The following MRC1 variants were observed in gnomAD, a reference collection of about 807,000 sequenced individuals.
MRC1 encodes macrophage mannose receptor 1.
A neutral mutation model predicts 102.9 loss-of-function variants in MRC1; 62 were observed. That is an observed-to-expected ratio of 0.60 (90% confidence interval 0.49 to 0.74). The LOEUF is 0.74. Among genes scored for constraint, MRC1 ranks in the 30% least tolerant of loss-of-function variants. The pLI is 0.00. For missense variants in MRC1, 1,237 were observed against 862.8 expected (o/e 1.43, Z -5.43); for synonymous variants, 457 against 298.4 (o/e 1.53, Z -5.48).
intron 3 of MRC1, among the ~76,000 whole-genome samples, chr10:17,829,023 C>T (rs1026712089): frequency 2.0e-5 from 3 of 151,456 alleles, no homozygotes; most frequent in Non-Finnish European, 4.4e-5. Context: ...TACCCCCGAC[C>T]TCTCACCTGC....
intron 4 of MRC1, among the ~76,000 whole-genome samples, chr10:17,834,247 C>G (rs2130614053): frequency 6.6e-6 from 1 of 152,296 alleles, no homozygotes; most frequent in South Asian, 2.1e-4. Flanking sequence ...AATTAAAAGA[C>G]TGCTACCACT....
chr10:17,837,799 C>G (rs1297152001), intron 4 of MRC1, among the ~76,000 whole-genome samples: 1 of 151,918 alleles, frequency 6.6e-6, no homozygotes, highest in Admixed American at 6.6e-5. Flanking sequence ...CAGGGTTTCA[C>G]CATGTTGCCC....
At chr10:17,823,028 C>T in intron 1 of MRC1, 46 bp from the exon 2 acceptor site, 1 of 778,252 alleles carries the variant, frequency 1.3e-6, no homozygotes, top group East Asian at 2.4e-5. Flanking sequence ...TCCACTTAGC[C>T]ATGCTTGCTT....
chr10:17,827,605 A>G lies in MRC1; in HGVS notation c.527A>G (p.Asn176Ser). Residue 176 changes from asparagine to serine, a missense_variant, in exon 3 of 30, where the codon AAC (asparagine) becomes AGC (serine). By Grantham distance (46) the Asn-to-Ser change is conservative. Transcript: ENST00000569591. ...ATCAFPFKFE[N>S]KWYADCTSAG... ...TGTGCATTCCCGTTCAAGTTTGAAAACAAGTGGTACGCAGATTGCACGAGT... is the reference window on the plus strand; with the variant it reads ...TGTGCATTCCCGTTCAAGTTTGAAAGCAAGTGGTACGCAGATTGCACGAGT... 1.3e-6 allele frequency: 1 copy of G among 780,848 alleles called. No homozygotes were observed. Among genetic ancestry groups the G allele is most frequent in the South Asian group, 1.3e-5 (1 of 74,612 alleles). The allele number at this position is 780,848 out of a possible 1,614,324, so 48.4% of individuals were successfully genotyped here. A position where few individuals can be genotyped will look rare whatever the true frequency, so the allele number is the denominator to read the frequency against.
At chr10:17,867,345 CTCT>C (rs1833287720) in intron 12 of MRC1, among the ~76,000 whole-genome samples, 2 of 139,320 alleles carry the variant, frequency 1.4e-5, no homozygotes, top group South Asian at 2.4e-4. Context: ...CCTCCTCCTC[CTCT>C]TCTTCTTCTC....
chr10:17,836,729 G>T (rs1158270565), intron 4 of MRC1, among the ~76,000 whole-genome samples: 1 of 151,986 alleles, frequency 6.6e-6, no homozygotes, highest in Non-Finnish European at 1.5e-5. Flanking sequence ...CCAGCTACTC[G>T]GGAGGCTGAG....
chr10:17,886,549 C>T (rs969259056), intron 22 of MRC1, among the ~76,000 whole-genome samples: 7 of 152,012 alleles, frequency 4.6e-5, no homozygotes, highest in African/African-American at 7.2e-5. Flanking sequence ...TTACAGGTGC[C>T]CACCACCATG....
chr10:17,863,563 T>C lies in MRC1; in HGVS notation c.1664T>C (p.Val555Ala). ...GAACAAGCCTTCCTGACTAGTTTCG[T>C]TGGCTTAAGGCCTGAAAAATATTTC... ...RYEQAFLTSF[V>A]GLRPEKYFWT... is the part of the protein sequence containing the mutation. The change falls in exon 11 of 30, where the codon GTT becomes GCT. Residue 555 changes from valine to alanine, a missense_variant. Val to Ala is a moderately conservative substitution (Grantham distance 64, BLOSUM62 0). Transcript: ENST00000569591. 1.3e-6 allele frequency: 1 copy of C among 780,912 alleles called. No individual in the cohort carries two copies. Among genetic ancestry groups the C allele is most frequent in the African/African-American group, 1.7e-5 (1 of 59,266 alleles). The allele number at this position is 780,912 out of a possible 1,614,324, so 48.4% of individuals were successfully genotyped here. A position where few individuals can be genotyped will look rare whatever the true frequency, so the allele number is the denominator to read the frequency against.
chr10:17,906,541 T>C (rs1458383436), intron 26 of MRC1, among the ~76,000 whole-genome samples: 2 of 152,216 alleles, frequency 1.3e-5, no homozygotes, highest in African/African-American at 4.8e-5. Context: ...CACATGTCTA[T>C]AGCATATGGC....
intron 24 of MRC1, among the ~76,000 whole-genome samples, chr10:17,899,111 A>AG (rs1833794766): frequency 6.6e-6 from 1 of 151,734 alleles, no homozygotes; most frequent in African/African-American, 2.4e-5. Context: ...AAGAAGACAA[A>AG]AAAAAAAAGG....
At chr10:17,903,460 A>G (rs1456512883) in intron 26 of MRC1, among the ~76,000 whole-genome samples, 1 of 137,758 alleles carries the variant, frequency 7.3e-6, no homozygotes, top group Non-Finnish European at 1.5e-5. Context: ...CATTGGTGCA[A>G]TCTTGGCTCA....
intron 7 of MRC1, among the ~76,000 whole-genome samples, chr10:17,851,281 TA>T (rs1181996243): frequency 1.3e-5 from 2 of 152,164 alleles, no homozygotes; most frequent in Admixed American, 6.5e-5. Context: ...AACCTTCCAT[TA>T]AAAATTATTG....
At chr10:17,866,372 T>C (rs1833267300) in intron 11 of MRC1, among the ~76,000 whole-genome samples, 190 bp from the exon 12 acceptor site, 1 of 151,504 alleles carries the variant, frequency 6.6e-6, no homozygotes, top group African/African-American at 2.4e-5. Context: ...TAAAATATTT[T>C]ATCATTAAAT....
At chr10:17,896,484 C>T (rs1454838808) in intron 23 of MRC1, among the ~76,000 whole-genome samples, 1 of 152,142 alleles carries the variant, frequency 6.6e-6, no homozygotes, top group Non-Finnish European at 1.5e-5. Flanking sequence ...AATGGTGATT[C>T]ACACGCTTAT....
At chr10:17,906,308 T>A (rs1211347008) in intron 26 of MRC1, among the ~76,000 whole-genome samples, 1 of 151,868 alleles carries the variant, frequency 6.6e-6, no homozygotes, top group Non-Finnish European at 1.5e-5. Flanking sequence ...CTTTTTTTTT[T>A]TTTTTTGCCT....
At chr10:17,901,439 A>G (rs1833826923) in intron 25 of MRC1, among the ~76,000 whole-genome samples, 1 of 152,264 alleles carries the variant, frequency 6.6e-6, no homozygotes, top group South Asian at 2.1e-4. Context: ...CTGTAATCCC[A>G]GCACTTCGGG....
At chr10:17,863,503 C>T (rs1216541304) in intron 10 of MRC1, 31 bp from the exon 11 acceptor site, 32 of 780,268 alleles carry the variant, frequency 4.1e-5, no homozygotes, top group East Asian at 3.4e-4. Context: ...GTTTCAAAAA[C>T]TTAATTGAAT....
At chr10:17,853,580 G>A (rs1833021601) in intron 8 of MRC1, among the ~76,000 whole-genome samples, 1 of 136,064 alleles carries the variant, frequency 7.3e-6, no homozygotes, top group South Asian at 2.3e-4. Context: ...GTATGTGTGT[G>A]TGTGTGTGTG....
chr10:17,845,096 C>T (rs781833340), intron 5 of MRC1, 193 bp from the exon 6 acceptor site: 12 of 776,070 alleles, frequency 1.5e-5, no homozygotes, highest in Middle Eastern at 2.6e-4. Flanking sequence ...AATGATCCAA[C>T]GATAAGAAAA....
Sources: gnomAD v4.1 joint callset for allele counts (sites outside exome capture counted in the v4.1 genomes callset) on GRCh38, gnomAD v4.1.1 for gene constraint, MANE v1.5 for transcripts, NCBI Gene and HGNC (gene_info 2026-07-23, HGNC 2026-07-21) for gene names.